Variants in GNAI1 observed in about 807,000 individuals in gnomAD.
GNAI1 encodes G protein subunit alpha i1, also known as guanine nucleotide-binding protein G(i) subunit alpha-1.
In GNAI1, 11 loss-of-function variants were observed where a neutral mutation model predicts 38.9. That is an observed-to-expected ratio of 0.28 (90% CI 0.18 to 0.47). The LOEUF (loss-of-function observed/expected upper bound fraction) is 0.47, where lower values mean the gene tolerates loss of function less well. GNAI1 is among the 20% of genes least tolerant of loss of function. The pLI, the probability that GNAI1 is intolerant of heterozygous loss-of-function variation, is 0.99. For synonymous variants in GNAI1, 166 were observed against 145.1 expected (o/e 1.14, Z -1.04); for missense variants, 317 against 436.9 (o/e 0.73, Z 2.45).
intron 1 of GNAI1, among the ~76,000 whole-genome samples, chr7:80,171,413 GAC>G (rs1364010295): frequency 6.6e-6 from 1 of 152,138 alleles, no homozygotes. Context: ...GTCTGGCAAA[GAC>G]AGCTGACGAA....
Position 80,217,472 on chromosome 7 carries a change from A to G in GNAI1, c.1044A>G (p.Leu348=), listed in dbSNP as rs115547271. The change falls in exon 8 of 8, where the codon CTA becomes CTG. Residue 348 remains leucine, a synonymous_variant. Coordinates refer to ENST00000649796, the MANE Select transcript of GNAI1 (RefSeq NM_002069.6). ...AVTDVIIKNN[L]KDCGLF ...CAGATGTCATCATAAAAAATAATCTAAAAGATTGTGGTCTCTTTTAAGTTT... is the reference window on the plus strand; with the variant it reads ...CAGATGTCATCATAAAAAATAATCTGAAAGATTGTGGTCTCTTTTAAGTTT... 1.4e-3 allele frequency: 2,295 copies of G among 1,600,530 alleles called. 28 individuals carry two copies. In the African/African-American group the frequency reaches 0.025, roughly 17 times the overall value.
Position 80,220,165 on chromosome 7 carries a change from C to A in GNAI1, c.*2672C>A, listed in dbSNP as rs1789045744. On this transcript the variant is annotated 3_prime_UTR_variant, in exon 8 of 8. Coordinates refer to ENST00000649796, the MANE Select transcript of GNAI1 (RefSeq NM_002069.6). ...ATTTAATGCTCTTCATCACCTGAGG[C>A]CTGTTCCTTTCTACACTGTATCCAA... 6.6e-6 allele frequency among the ~76,000 whole-genome samples: 1 copy of A among 152,082 alleles called. No individual in the cohort carries two copies. Among genetic ancestry groups the A allele is most frequent in the Non-Finnish European group, 1.5e-5 (1 of 68,014 alleles).
chr7:80,149,275 G>T (rs1459221804), intron 1 of GNAI1, among the ~76,000 whole-genome samples: 1 of 152,052 alleles, frequency 6.6e-6, no homozygotes, highest in Non-Finnish European at 1.5e-5. Context: ...GTTGATAATT[G>T]ATGTCGCCTA....
At chr7:80,143,206 G>T (rs115407879) in intron 1 of GNAI1, among the ~76,000 whole-genome samples, 95 of 152,216 alleles carry the variant, frequency 6.2e-4, no homozygotes, top group African/African-American at 2.2e-3. Flanking sequence ...ATCCTTAAGA[G>T]AATTTACAGT....
intron 1 of GNAI1, among the ~76,000 whole-genome samples, chr7:80,140,823 G>A: frequency 6.6e-6 from 1 of 152,252 alleles, no homozygotes; most frequent in African/African-American, 2.4e-5. Flanking sequence ...GTCCAAAAAG[G>A]GTTTCCACTG....
intron 1 of GNAI1, among the ~76,000 whole-genome samples, chr7:80,178,964 T>C (rs945957492): frequency 6.6e-6 from 1 of 152,220 alleles, no homozygotes; most frequent in African/African-American, 2.4e-5. Context: ...AACTAAAGTA[T>C]GTGAAAATGG....
intron 1 of GNAI1, among the ~76,000 whole-genome samples, chr7:80,181,422 C>T (rs1432516520): frequency 1.3e-5 from 2 of 152,204 alleles, no homozygotes; most frequent in Non-Finnish European, 2.9e-5. Context: ...TAGAGTTTAT[C>T]ACTATACAAA....
rs1789114715 is a variant in GNAI1 at position 80,223,561 on chromosome 7, C to T, written c.*6068C>T. 6.6e-6 allele frequency among the ~76,000 whole-genome samples: 1 copy of T among 152,142 alleles called. No individual in the cohort carries two copies. On this transcript the variant is annotated 3_prime_UTR_variant, in exon 8 of 8. Transcript: ENST00000649796. ...AAGTCAAAGCTACTTCTAAACAGCT[C>T]TATCTTTAATTTCTATTAAATAGTA...
At chr7:80,193,142 T>C (rs557058734) in intron 3 of GNAI1, among the ~76,000 whole-genome samples, 4 of 152,302 alleles carry the variant, frequency 2.6e-5, no homozygotes, top group South Asian at 4.1e-4. Context: ...CATTCCGTTG[T>C]TCTTTTGCCG....
chr7:80,213,234 G>A (rs1300017581), intron 7 of GNAI1, among the ~76,000 whole-genome samples: 1 of 152,074 alleles, frequency 6.6e-6, no homozygotes, highest in Non-Finnish European at 1.5e-5. Flanking sequence ...TTAAACAACA[G>A]GCAATAGCAG....
At chr7:80,202,707 G>C (rs1261561754) in intron 4 of GNAI1, among the ~76,000 whole-genome samples, 1 of 152,114 alleles carries the variant, frequency 6.6e-6, no homozygotes, top group Non-Finnish European at 1.5e-5. Context: ...TTATTTCTAA[G>C]TTATCAGTCA....
intron 4 of GNAI1, 79 bp from the exon 5 acceptor site, chr7:80,203,625 T>A: frequency 1.2e-6 from 1 of 828,464 alleles, no homozygotes; most frequent in East Asian, 2.6e-5. Flanking sequence ...TGTATTGAAA[T>A]GTGTTTTAAT....
intron 1 of GNAI1, among the ~76,000 whole-genome samples, chr7:80,188,218 A>G (rs1343568447): frequency 6.6e-6 from 1 of 152,210 alleles, no homozygotes; most frequent in African/African-American, 2.4e-5. Context: ...ATATTTTAAA[A>G]TAGTTTTTCA....
At chr7:80,150,853 C>T (rs776854345) in intron 1 of GNAI1, among the ~76,000 whole-genome samples, 3 of 152,128 alleles carry the variant, frequency 2.0e-5, no homozygotes, top group Non-Finnish European at 2.9e-5. Flanking sequence ...ATCCATCATC[C>T]GCCGTTTTTC....
chr7:80,138,616 G>A (rs571269041), intron 1 of GNAI1, among the ~76,000 whole-genome samples: 85 of 151,684 alleles, frequency 5.6e-4, no homozygotes, highest in Non-Finnish European at 8.7e-4. Context: ...GCTTTATTTC[G>A]GTAGGTAACT....
At chr7:80,137,293 C>CTTTTCTTTTCTTTTTTTTT (rs1787432808) in intron 1 of GNAI1, among the ~76,000 whole-genome samples, 1 of 95,254 alleles carries the variant, frequency 1.0e-5, no homozygotes, top group Non-Finnish European at 1.9e-5. Context: ...TTTCTTTTTT[C>CTTTTCTTTTCTTTTTTTTT]TTTTTTTTTT....
rs73151419 is a variant in GNAI1 at position 80,219,951 on chromosome 7, C to T, written c.*2458C>T. On this transcript the variant is annotated 3_prime_UTR_variant, in exon 8 of 8. Transcript: ENST00000649796. ...GTTTTCCTTTCTATTCCTACTACTA[C>T]CTATTCAAGTCTTTGCTAAACTTCC... 0.12 allele frequency among the ~76,000 whole-genome samples: 17,763 copies of T among 152,176 alleles called. 1,287 individuals are homozygous for T. The highest frequency in any genetic ancestry group is 0.21 in the South Asian group (1,016 of 4,818).
At chr7:80,199,904 G>A (rs34352545) in intron 4 of GNAI1, among the ~76,000 whole-genome samples, 14,050 of 152,148 alleles carry the variant, frequency 0.092, 906 homozygotes, top group Non-Finnish European at 0.14. Flanking sequence ...TTGTGTGTGT[G>A]CCCTGTTGTA....
chr7:80,151,600 C>A (rs779399918), intron 1 of GNAI1, among the ~76,000 whole-genome samples: 5 of 152,178 alleles, frequency 3.3e-5, no homozygotes, highest in African/African-American at 4.8e-5. Context: ...TGCTCCCACC[C>A]CCAGTGGAAT....
Sources: allele counts gnomAD v4.1 joint callset (sites outside exome capture counted in the v4.1 genomes callset), GRCh38; gene constraint gnomAD v4.1.1; transcripts MANE v1.5; gene names NCBI Gene and HGNC (gene_info 2026-07-23, HGNC 2026-07-21).